Variants in SCARF1 observed in about 807,000 individuals in gnomAD.
The protein encoded by SCARF1 is acetyl LDL receptor.
A neutral mutation model predicts 76.3 loss-of-function variants in SCARF1; 49 were observed. That is an observed-to-expected ratio of 0.64 (90% confidence interval 0.51 to 0.81). The LOEUF (loss-of-function observed/expected upper bound fraction) is 0.81, where lower values mean the gene tolerates loss of function less well. SCARF1 is among the 40% of genes least tolerant of loss of function. The pLI is 0.00. For missense variants in SCARF1, 1,098 were observed against 1,143.9 expected, an observed-to-expected ratio of 0.96 and a Z score of 0.58; for synonymous variants, 495 against 474.6, an observed-to-expected ratio of 1.04 and a Z score of -0.56.
Position 1,634,898 on chromosome 17 carries a change from C to T in SCARF1, c.2353G>A (p.Glu785Lys), listed in dbSNP as rs557325340. The T allele has an allele frequency of 1.3e-4, 206 of 1,613,608 alleles. 3 individuals are homozygous for T. The South Asian group carries it at 2.1e-3, about 17-fold the overall frequency. The change falls in exon 11 of 11, where the codon GAG becomes AAG. Residue 785 changes from glutamate (E) to lysine (K), a missense_variant. Glu to Lys is a moderately conservative substitution (Grantham distance 56). Transcript: ENST00000263071. ...EAVRGLGAGT[E>K]SSRRAQEPVS... ...GGCTCCTGGGCTCTCCTTGAACTCT[C>T]GGTGCCAGCCCCCAGCCCCCGGACC...
In SCARF1 at chr17:1,639,918, C is replaced by T. The variant is rs1180735302; in HGVS notation, c.1133G>A (p.Gly378Glu). 1.4e-5 allele frequency: 23 copies of T among 1,613,374 alleles called. No individual in the cohort carries two copies. The highest frequency in any genetic ancestry group is 1.9e-5 in the Non-Finnish European group (22 of 1,179,700). ...CCGGGATCCCCATCCTTACCTGGGC[C>T]CCCAGTAGCCGGCACTGCAGACACA... ...GDCVCSAGYWGPSCNASCPAG... is the reference protein window; with the variant it reads ...GDCVCSAGYWEPSCNASCPAG... Residue 378 changes from glycine (G) to glutamate (E), a missense_variant, in exon 6 of 11, where the codon GGG becomes GAG. Coordinates refer to ENST00000263071, the MANE Select transcript of SCARF1 (RefSeq NM_003693.4).
chr17:1,635,531 A>G lies in SCARF1; in HGVS notation c.1720T>C (p.Phe574Leu). The change falls in exon 11 of 11, where the codon TTC becomes CTC. Residue 574 changes from phenylalanine to leucine, a missense_variant. Coordinates refer to ENST00000263071, the MANE Select transcript of SCARF1 (RefSeq NM_003693.4). ...FPPPEDASTP[F>L]AIPRTSSLAR... ...AGGCTGGAGGTGCGCGGGATGGCGA[A>G]TGGCGTGGAGGCGTCCTCAGGGGGC... The G allele has an allele frequency of 6.2e-7, 1 of 1,613,610 alleles. No homozygotes were observed. Among genetic ancestry groups the G allele is most frequent in the Non-Finnish European group, 8.5e-7 (1 of 1,179,986 alleles).
rs1909358128 is a variant in SCARF1, at chr17:1,634,612, G to C, written c.*146C>G. The C allele has an allele frequency of 6.0e-6, 7 of 1,170,152 alleles. No individual in the cohort carries two copies. The highest frequency in any genetic ancestry group is 8.3e-6 in the Non-Finnish European group (7 of 846,018). The allele number at this position is 1,170,152 out of a possible 1,614,324, so 72.5% of individuals were successfully genotyped here. On this transcript the variant is annotated 3_prime_UTR_variant, in exon 11 of 11. Coordinates refer to ENST00000263071, the MANE Select transcript of SCARF1 (RefSeq NM_003693.4). ...GGGCCCCTCCGGGAGCACTGCCAGG[G>C]GCCTGGGCCAACTGGCCTGGAAGCC...
Position 1,643,776 on chromosome 17 carries a change from C to A in SCARF1, c.457G>T (p.Gly153Cys). 1 of 1,279,848 alleles carries A rather than the reference C, an allele frequency of 7.8e-7. No individual in the cohort carries two copies. Among genetic ancestry groups the A allele is most frequent in the Non-Finnish European group, 9.8e-7 (1 of 1,017,376 alleles). 79.3% of individuals were successfully genotyped at this position (1,279,848 alleles called of 1,614,324 possible). Residue 153 changes from glycine (G) to cysteine (C), a missense_variant, in exon 4 of 11, where the codon GGC (glycine) becomes TGC (cysteine). Transcript: ENST00000263071. The part of the protein sequence containing the change: ...PATGVCHCEP[G>C]WWSSTCRRPC... ...CGGCGGCACGTGGACGACCACCAGC[C>A]GGGTTCGCAGTGGCACACGCCGGTC... is the stretch of plus-strand genomic sequence containing the variant.
rs1910347097 is a variant in SCARF1, at chr17:1,644,389, C to T, written c.266-422G>A. The T allele has an allele frequency of 3.7e-6, 1 of 269,668 alleles. No individual in the cohort carries two copies. Among genetic ancestry groups the T allele is most frequent in the Non-Finnish European group, 7.1e-6 (1 of 141,736 alleles). The allele number at this position is 269,668 out of a possible 1,614,324, so 16.7% of individuals were successfully genotyped here. A position where few individuals can be genotyped will look rare whatever the true frequency, so the allele number is the denominator to read the frequency against. On this transcript the variant is annotated intron_variant, in intron 3 of 10. Coordinates refer to ENST00000263071, the MANE Select transcript of SCARF1 (RefSeq NM_003693.4). The surrounding 1 kb of genome is among the most constrained non-coding windows in gnomAD (Gnocchi z 4.8). ...GGTGTCGGGAGAAGCCACCTTTCCC[C>T]TAGTGATTCCTTGATTCCTGATGCC...
At chr17:1,638,531 G>T (rs1186506497) in intron 8 of SCARF1, 3 of 292,010 alleles carry the variant, frequency 1.0e-5, no homozygotes, top group South Asian at 1.5e-4. Flanking sequence ...TCCGAGGAGG[G>T]CAGGCAGCTG....
chr17:1,634,031 C>T lies in SCARF1; in HGVS notation c.*727G>A, dbSNP rs1909302198. ...TAAATATCACCTACAATCTCATCTT[C>T]CAGAGGAAAAAACCATTTAGTGCCT... On this transcript the variant is annotated 3_prime_UTR_variant, in exon 11 of 11. Coordinates refer to ENST00000263071, the MANE Select transcript of SCARF1 (RefSeq NM_003693.4). 1 of 152,092 alleles carries T rather than the reference C, an allele frequency of 6.6e-6. No homozygotes were observed. Among genetic ancestry groups the T allele is most frequent in the African/African-American group, 2.4e-5 (1 of 41,430 alleles). The allele number at this position is 152,092 out of a possible 1,614,324, so 9.4% of individuals were successfully genotyped here.
intron 8 of SCARF1, chr17:1,638,497 T>C (rs1468461292): frequency 4.6e-6 from 1 of 217,384 alleles, no homozygotes; most frequent in East Asian, 8.5e-5. Flanking sequence ...CCCATGCAAC[T>C]CAGAAACTTC....
At chr17:1,638,779 G>A in intron 8 of SCARF1, 27 bp downstream of exon 8, 1 of 1,590,672 alleles carries the variant, frequency 6.3e-7, no homozygotes, top group Non-Finnish European at 8.6e-7. Context: ...CCTGAGCTGT[G>A]TGGGGAAGGG....
At position 1,640,656 on chromosome 17, in the gene SCARF1, A is replaced by G; in HGVS notation, c.802T>C (p.Cys268Arg). The G allele has an allele frequency of 4.3e-6, 7 of 1,611,890 alleles. No individual in the cohort carries two copies. The highest frequency in any genetic ancestry group is 5.9e-6 in the Non-Finnish European group (7 of 1,179,354). The change falls in exon 5 of 11, where the codon TGC becomes CGC. Residue 268 changes from cysteine to arginine, a missense_variant. Transcript: ENST00000263071. The surrounding 1 kb of genome is among the most constrained non-coding windows in gnomAD (Gnocchi z 4.7). The part of the protein sequence containing the change: ...GVQCAHSCGR[C>R]KHNEPCSPDT... ...GGAGAGCACGGCTCATTGTGTTTGCAGCGGCCACAGCTGGGAAGAGAAGGG... is the reference window on the plus strand; with the variant it reads ...GGAGAGCACGGCTCATTGTGTTTGCGGCGGCCACAGCTGGGAAGAGAAGGG...
Position 1,636,929 on chromosome 17 carries a change from G to A in SCARF1, c.1486+12C>T, listed in dbSNP as rs962984796. ...GTCCAATCCCAGACCCCGGCCCCCA[G>A]CGCCCACTGACCTGTCACCCAGGGT... On this transcript the variant is annotated intron_variant, in intron 9 of 10. Coordinates refer to ENST00000263071, the MANE Select transcript of SCARF1 (RefSeq NM_003693.4). 1 of 1,614,060 alleles carries A rather than the reference G, an allele frequency of 6.2e-7. No homozygotes were observed. Among genetic ancestry groups the A allele is most frequent in the African/African-American group, 1.3e-5 (1 of 75,012 alleles).
chr17:1,644,782 T>C lies in SCARF1; in HGVS notation c.265+52A>G, dbSNP rs1264339885. 6.5e-7 allele frequency: 1 copy of C among 1,543,928 alleles called. No individual in the cohort carries two copies. Among genetic ancestry groups the C allele is most frequent in the African/African-American group, 1.4e-5 (1 of 73,784 alleles). ...CCTGCCTCGCCTGCTCCCACACCAC[T>C]GCCCCCGTACCCAGCTCTGCCCAGC... On this transcript the variant is annotated intron_variant, in intron 3 of 10. Transcript: ENST00000263071. The surrounding 1 kb of genome is among the most constrained non-coding windows in gnomAD (Gnocchi z 4.8).
Position 1,636,808 on chromosome 17 carries a change from G to A in SCARF1, c.1534C>T (p.Pro512Ser), listed in dbSNP as rs749226351. Reference sequence around the variant, plus strand: ...TCAGTGGCCCAGCCGGCAGAGGGCGGCTCGATGAAGCTGTGGTTGAAGGGG... The same window carrying A: ...TCAGTGGCCCAGCCGGCAGAGGGCGACTCGATGAAGCTGTGGTTGAAGGGG... The part of the protein sequence containing the change: ...EVPFNHSFIE[P>S]PSAGWATDDS... Residue 512 changes from proline to serine, a missense_variant, in exon 10 of 11, where the codon CCG becomes TCG. Pro to Ser is a moderately conservative substitution (Grantham distance 74). Transcript: ENST00000263071. 7.4e-6 allele frequency: 12 copies of A among 1,613,978 alleles called. No individual in the cohort carries two copies. The East Asian group carries it at 2.5e-4, about 33-fold the overall frequency.
rs1251146913 is a variant in SCARF1, at chr17:1,634,496, G to C, written c.*262C>G. 1.7e-5 allele frequency: 7 copies of C among 403,038 alleles called. No individual in the cohort carries two copies. Among genetic ancestry groups the C allele is most frequent in the Non-Finnish European group, 2.2e-5 (5 of 229,152 alleles). The allele number at this position is 403,038 out of a possible 1,614,324, so 25.0% of individuals were successfully genotyped here. ...ACGTGAAAGAAAGAATAGCCCTTAT[G>C]AGGCACACAGGGTCCAGGACAGCAG... On this transcript the variant is annotated 3_prime_UTR_variant, in exon 11 of 11. Transcript: ENST00000263071.
At chr17:1,638,594 A>G (rs1371459620) in intron 8 of SCARF1, 2 of 432,102 alleles carry the variant, frequency 4.6e-6, no homozygotes, top group Non-Finnish European at 7.7e-6. Context: ...TACCTCCATC[A>G]CCTCTGACCT....
Position 1,635,048 on chromosome 17 carries a change from C to A in SCARF1, c.2203G>T (p.Ala735Ser). ...GGGCTGCCCTTTTTCCGATTCAGGG[C>A]CTGGCGCGGAGGCTTAGGGATGGCC... ...KRAIPKPPRQ[A>S]LNRKKGSPGL... is the part of the protein sequence containing the mutation. The change falls in exon 11 of 11, where the codon GCC becomes TCC. Residue 735 changes from alanine to serine, a missense_variant. Transcript: ENST00000263071. 6.2e-7 allele frequency: 1 copy of A among 1,613,942 alleles called. No homozygotes were observed. Among genetic ancestry groups the A allele is most frequent in the Middle Eastern group, 1.7e-4 (1 of 6,054 alleles).
chr17:1,643,876 CT>C lies in SCARF1; in HGVS notation c.356del (p.Gln119ArgfsTer248). The C allele has an allele frequency of 7.7e-7, 1 of 1,304,020 alleles. No individual in the cohort carries two copies. Among genetic ancestry groups the C allele is most frequent in the Non-Finnish European group, 9.7e-7 (1 of 1,030,848 alleles). 80.8% of individuals were successfully genotyped at this position (1,304,020 alleles called of 1,614,324 possible). A position where few individuals can be genotyped will look rare whatever the true frequency, so the allele number is the denominator to read the frequency against. ...GQCEPATGAC[Q>X]CQADRWGARC... ...GGGCTCCCCAGCGGTCGGCCTGGCA[CT>C]GGCACGCGCCCGTGGCTGGCTCGCA... is the stretch of plus-strand genomic sequence containing the variant. On this transcript the variant is annotated frameshift_variant, in exon 4 of 11. Transcript: ENST00000263071. LOFTEE classifies it high-confidence loss of function.
chr17:1,635,388 C>G lies in SCARF1; in HGVS notation c.1863G>C (p.Arg621=), dbSNP rs139029063. 3,597 of 1,613,616 alleles carry G rather than the reference C, an allele frequency of 2.2e-3. 7 individuals carry two copies. Among genetic ancestry groups the G allele is most frequent in the Non-Finnish European group, 2.7e-3 (3,208 of 1,179,680 alleles). ...SPLRKPKRLS[R]GAQSGPEGRE... ...GGCCCTCAGGACCCGACTGCGCCCC[C>G]CGGGAGAGCCTCTTGGGCTTTCGGA... The change falls in exon 11 of 11, where the codon CGG becomes CGC. Residue 621 remains arginine, a synonymous_variant. Transcript: ENST00000263071.
chr17:1,635,769 C>T, intron 10 of SCARF1, 152 bp from the exon 11 acceptor site: 1 of 806,190 alleles, frequency 1.2e-6, no homozygotes, highest in South Asian at 2.0e-5. Flanking sequence ...TTCAGGTAGA[C>T]ACTGTTACTT....
Sources: gnomAD v4.1 joint callset for allele counts on GRCh38, gnomAD v4.1.1 for gene constraint, Gnocchi (gnomAD v3.1) non-coding constraint, MANE v1.5 for transcripts, NCBI Gene and HGNC (gene_info 2026-07-23, HGNC 2026-07-21) for gene names.